The following TRIM66 variants were observed in gnomAD, a reference collection of about 807,000 sequenced individuals.
The protein encoded by TRIM66 is tripartite motif-containing protein 66.
Under a neutral mutation model 148.2 loss-of-function variants are expected in TRIM66, and 99 were observed. The observed-to-expected ratio is 0.67, with a 90% CI of 0.57 to 0.79. TRIM66 has a LOEUF of 0.79. Among genes scored for constraint, TRIM66 ranks in the 30% least tolerant of loss-of-function variants. The probability of loss-of-function intolerance (pLI) is 0.00; values close to 1 mark genes in which losing one functional copy is unlikely to be tolerated. For synonymous variants in TRIM66, 616 were observed against 635.9 expected (o/e 0.97, Z 0.47); for missense variants, 1,666 against 1,697.9 (o/e 0.98, Z 0.33).
In TRIM66 at chr11:8,617,648, T is replaced by C. The variant is rs1241725603; in HGVS notation, c.*296A>G. On this transcript the variant is annotated 3_prime_UTR_variant, in exon 25 of 25. Coordinates refer to ENST00000646038, the MANE Select transcript of TRIM66 (RefSeq NM_001388022.1). ...GCAGAAAAAAATTCACCAAGGAAAG[T>C]AGGTTTTCCCGAGCCTAACCAGGTG... 1.0e-5 allele frequency: 4 copies of C among 386,630 alleles called. No homozygotes were observed. Among genetic ancestry groups the C allele is most frequent in the Non-Finnish European group, 1.8e-5 (4 of 217,004 alleles). 23.9% of individuals were successfully genotyped at this position (386,630 alleles called of 1,614,324 possible).
At position 8,649,786 on chromosome 11, in the gene TRIM66, A is replaced by G. The variant is rs369074889; in HGVS notation, c.546T>C (p.Pro182=). ...SSCTEEHRHS[P]VPGGPFFPRA... ...GAGGAAAGAATGGGCCCCCGGGGACAGGGCTGTGTCGGTGTTCCTCTGTGC... is the reference window on the plus strand; with the variant it reads ...GAGGAAAGAATGGGCCCCCGGGGACGGGGCTGTGTCGGTGTTCCTCTGTGC... The change falls in exon 8 of 25, where the codon CCT becomes CCC. Residue 182 remains proline, a synonymous_variant. Coordinates refer to ENST00000646038, the MANE Select transcript of TRIM66 (RefSeq NM_001388022.1). 66 of 1,551,682 alleles carry G rather than the reference A, an allele frequency of 4.3e-5. No homozygotes were observed. The African/African-American group carries it at 8.5e-4, about 20-fold the overall frequency.
Position 8,621,290 on chromosome 11 carries a change from TG to T in TRIM66, c.3286del (p.Gln1096ArgfsTer48). The T allele has an allele frequency of 1.3e-6, 2 of 1,551,640 alleles. No individual in the cohort carries two copies. Among genetic ancestry groups the T allele is most frequent in the African/African-American group, 2.7e-5 (2 of 73,160 alleles). ...VSQDRLSEAT[Q>X]APGLEGRKVT... is the part of the protein sequence containing the mutation. The stretch of plus-strand genomic sequence containing the variant: ...CTTTCTTCCCTCCAGACCTGGGGCC[TG>T]GGTGGCCTCAGACAGTCTGTCCTGG... On this transcript the variant is annotated frameshift_variant, in exon 20 of 25. Transcript: ENST00000646038. LOFTEE classifies it high-confidence loss of function.
At chr11:8,664,100 C>A (rs1200066696) in intron 6 of TRIM66, among the ~76,000 whole-genome samples, 2 of 152,124 alleles carry the variant, frequency 1.3e-5, no homozygotes, top group Non-Finnish European at 2.9e-5. Context: ...ATATTGTATT[C>A]TTGAAAGATG....
chr11:8,672,836 G>A (rs2039003593), intron 4 of TRIM66, among the ~76,000 whole-genome samples: 1 of 151,696 alleles, frequency 6.6e-6, no homozygotes, highest in Non-Finnish European at 1.5e-5. Flanking sequence ...TCACCATGTT[G>A]CCCAGGCTGG....
rs553388117 is a variant in TRIM66, at chr11:8,619,379, A to C, written c.3900+4T>G. On this transcript the variant is annotated splice_donor_region_variant and intron_variant, in intron 23 of 24. Transcript: ENST00000646038. ...AGGAGAGAGGGAAAACAGGCAAGAC[A>C]TACATAATTGAACTTAGCACAGTTC... The C allele has an allele frequency of 6.7e-7, 1 of 1,498,522 alleles. No individual in the cohort carries two copies. Among genetic ancestry groups the C allele is most frequent in the Non-Finnish European group, 8.9e-7 (1 of 1,121,384 alleles). The allele number at this position is 1,498,522 out of a possible 1,614,324, so 92.8% of individuals were successfully genotyped here. A position where few individuals can be genotyped will look rare whatever the true frequency, so the allele number is the denominator to read the frequency against.
chr11:8,675,001 T>C (rs769639344), intron 3 of TRIM66, 118 bp from the exon 4 acceptor site: 7 of 152,256 alleles, frequency 4.6e-5, no homozygotes, highest in Non-Finnish European at 8.8e-5. Context: ...AGGTAGACTC[T>C]GAACCAAACT....
chr11:8,643,185 C>A, intron 12 of TRIM66, 59 bp from the exon 13 acceptor site: 2 of 1,409,114 alleles, frequency 1.4e-6, no homozygotes, highest in Non-Finnish European at 2.0e-6. Flanking sequence ...GACAACTCCC[C>A]TTCCCTTACT....
At chr11:8,626,214 A>G (rs2034831384) in intron 15 of TRIM66, among the ~76,000 whole-genome samples, 1 of 152,208 alleles carries the variant, frequency 6.6e-6, no homozygotes, top group Admixed American at 6.5e-5. Context: ...TGTAAGTTTC[A>G]TATCCCTGCC....
chr11:8,657,917 G>A (rs558027111), intron 6 of TRIM66, among the ~76,000 whole-genome samples: 61 of 152,368 alleles, frequency 4.0e-4, no homozygotes, highest in Middle Eastern at 3.4e-3. Context: ...CCCTGCTGCC[G>A]TGATTAGGGC....
At chr11:8,623,337 A>C (rs1195896789) in intron 17 of TRIM66, among the ~76,000 whole-genome samples, 2 of 152,216 alleles carry the variant, frequency 1.3e-5, no homozygotes, top group Non-Finnish European at 1.5e-5. Flanking sequence ...CTGAGTATGC[A>C]GTCTATGGAG....
chr11:8,674,073 G>A (rs981178247), intron 4 of TRIM66, among the ~76,000 whole-genome samples: 9 of 152,246 alleles, frequency 5.9e-5, no homozygotes, highest in African/African-American at 2.2e-4. Context: ...GACGAGGACA[G>A]TCTCTATTAG....
At chr11:8,641,574 G>C (rs1353715774) in intron 13 of TRIM66, among the ~76,000 whole-genome samples, 1 of 152,154 alleles carries the variant, frequency 6.6e-6, no homozygotes, top group African/African-American at 2.4e-5. Context: ...CAATGAACAA[G>C]TTCCCAGATA....
Position 8,622,365 on chromosome 11 carries a change from C to CACACACACATATATATATATATAT in TRIM66, c.3080+450_3080+451insATATATATATATATATGTGTGTGT. The stretch of plus-strand genomic sequence containing the variant: ...ACACACACACACACACACACACACA[C>CACACACACATATATATATATATAT]ATATATATATATATATATCTCCTAC... On this transcript the variant is annotated intron_variant, in intron 18 of 24. Transcript: ENST00000646038. Among the ~76,000 whole-genome samples, 201 of 59,528 alleles carry CACACACACATATATATATATATAT rather than the reference C, an allele frequency of 3.4e-3. 7 individuals are homozygous for CACACACACATATATATATATATAT. Among genetic ancestry groups the CACACACACATATATATATATATAT allele is most frequent in the Admixed American group, 0.016 (102 of 6,340 alleles). The allele number at this position is 59,528 out of a possible 152,430, so 39.1% of individuals were successfully genotyped here. A position where few individuals can be genotyped will look rare whatever the true frequency, so the allele number is the denominator to read the frequency against.
chr11:8,640,558 G>A lies in TRIM66; in HGVS notation c.1817C>T (p.Pro606Leu). Residue 606 changes from proline (P) to leucine (L), a missense_variant, in exon 14 of 25, where the codon CCA becomes CTA. Physicochemically the swap from Pro to Leu is moderately conservative, Grantham distance 98. Coordinates refer to ENST00000646038, the MANE Select transcript of TRIM66 (RefSeq NM_001388022.1). ...AGGTGGGGGATGGGGGAGGGGTGGT[G>A]GTGGAGGTGGTAGCTGCTGCTGTGG... ...QQPQQQLPPPPPPLPHPPPPL... is the reference protein window; with the variant it reads ...QQPQQQLPPPLPPLPHPPPPL... The A allele has an allele frequency of 6.5e-7, 1 of 1,547,190 alleles. No homozygotes were observed. The highest frequency in any genetic ancestry group is 8.7e-7 in the Non-Finnish European group (1 of 1,145,152).
chr11:8,649,656 G>A, intron 8 of TRIM66, 84 bp downstream of exon 8: 1 of 1,482,702 alleles, frequency 6.7e-7, no homozygotes, highest in East Asian at 2.5e-5. Flanking sequence ...AAGAAAACAA[G>A]ATCGGAGAGC....
At chr11:8,640,194 A>T (rs1431141014) in intron 14 of TRIM66, 33 bp downstream of exon 14, 2 of 1,537,988 alleles carry the variant, frequency 1.3e-6, no homozygotes, top group Non-Finnish European at 1.8e-6. Context: ...TACGATGGGC[A>T]GAATATGCAC....
intron 6 of TRIM66, among the ~76,000 whole-genome samples, chr11:8,661,301 C>G (rs1014300632): frequency 6.6e-6 from 1 of 152,174 alleles, no homozygotes; most frequent in Admixed American, 6.5e-5. Flanking sequence ...GCCTTCAGAG[C>G]CCATGCTCCT....
At chr11:8,632,266 C>A (rs2141986437) in intron 15 of TRIM66, among the ~76,000 whole-genome samples, 1 of 151,914 alleles carries the variant, frequency 6.6e-6, no homozygotes, top group East Asian at 2.0e-4. Context: ...TGAGATCATG[C>A]CACTGCACTC....
Position 8,612,070 on chromosome 11 carries a change from T to G in TRIM66, c.*5874A>C, listed in dbSNP as rs2033428624. 2 of 152,302 alleles carry G rather than the reference T, an allele frequency of 1.3e-5. No individual in the cohort carries two copies. Among genetic ancestry groups the G allele is most frequent in the South Asian group, 4.1e-4 (2 of 4,824 alleles). 9.4% of individuals were successfully genotyped at this position (152,302 alleles called of 1,614,324 possible). A position where few individuals can be genotyped will look rare whatever the true frequency, so the allele number is the denominator to read the frequency against. The stretch of plus-strand genomic sequence containing the variant: ...AAAGAAAAGTGCTGTTTTTTATTTG[T>G]TCTTGAATGTATAGGTTCTTTTAAA... On this transcript the variant is annotated 3_prime_UTR_variant, in exon 25 of 25. Transcript: ENST00000646038.
Sources: allele counts gnomAD v4.1 joint callset (sites outside exome capture counted in the v4.1 genomes callset), GRCh38; gene constraint gnomAD v4.1.1; transcripts MANE v1.5; gene names NCBI Gene and HGNC (gene_info 2026-07-23, HGNC 2026-07-21).